Variants in PRKAG2 observed in about 807,000 individuals in gnomAD.
PRKAG2 encodes 5'-AMP-activated protein kinase subunit gamma-2.
Under a neutral mutation model 69.6 loss-of-function variants are expected in PRKAG2, and 26 were observed. The ratio of observed to expected loss-of-function variants is 0.37; its 90% CI spans 0.27 to 0.52. PRKAG2 has a LOEUF of 0.52. PRKAG2 is among the 20% of genes least tolerant of loss of function. The pLI, the probability that PRKAG2 is intolerant of heterozygous loss-of-function variation, is 0.90. For missense variants in PRKAG2, 557 were observed against 740.0 expected, an observed-to-expected ratio of 0.75 and a Z score of 2.87; for synonymous variants, 293 against 285.0, an observed-to-expected ratio of 1.03 and a Z score of -0.28.
intron 4 of PRKAG2, among the ~76,000 whole-genome samples, chr7:151,646,847 A>G (rs1827651571): frequency 6.6e-6 from 1 of 152,166 alleles, no homozygotes; most frequent in Non-Finnish European, 1.5e-5. Flanking sequence ...CACGTGCACA[A>G]CCTCAGTAGT....
At chr7:151,759,411 T>A (rs1203974273) in intron 3 of PRKAG2, among the ~76,000 whole-genome samples, 1 of 152,154 alleles carries the variant, frequency 6.6e-6, no homozygotes, top group Non-Finnish European at 1.5e-5. Context: ...GTACCGATTG[T>A]CCCTAGAATG....
intron 4 of PRKAG2, among the ~76,000 whole-genome samples, chr7:151,658,372 C>T (rs1486315434): frequency 6.6e-6 from 1 of 150,738 alleles, no homozygotes; most frequent in Non-Finnish European, 1.5e-5. Flanking sequence ...GTAATCCCAG[C>T]TACTCAGGAG....
intron 3 of PRKAG2, among the ~76,000 whole-genome samples, chr7:151,723,402 C>T (rs1403735320): frequency 2.0e-5 from 3 of 152,186 alleles, no homozygotes; most frequent in Non-Finnish European, 4.4e-5. Flanking sequence ...ACTTGGCCTA[C>T]ACTTCTACTT....
intron 3 of PRKAG2, among the ~76,000 whole-genome samples, chr7:151,755,176 C>G (rs538089739): frequency 6.6e-5 from 10 of 152,202 alleles, no homozygotes; most frequent in African/African-American, 2.4e-4. Context: ...TGAAGGCTGG[C>G]GAGGTGGTGC....
intron 14 of PRKAG2, among the ~76,000 whole-genome samples, chr7:151,560,941 C>T (rs1804817011): frequency 6.6e-6 from 1 of 152,124 alleles, no homozygotes; most frequent in African/African-American, 2.4e-5. Context: ...CACACACACA[C>T]ACATCCCATA....
intron 3 of PRKAG2, among the ~76,000 whole-genome samples, chr7:151,779,216 T>C (rs2076550537): frequency 1.3e-5 from 2 of 152,206 alleles, no homozygotes; most frequent in African/African-American, 4.8e-5. Flanking sequence ...CCAGACCCAG[T>C]TTCTAAAAGA....
rs185208897 is a variant in PRKAG2 at position 151,684,883 on chromosome 7, C to T, written c.467-9246G>A. On this transcript the variant is annotated intron_variant, in intron 3 of 15. Coordinates refer to ENST00000287878, the MANE Select transcript of PRKAG2 (RefSeq NM_016203.4). ...TGTTCCTGAGGGCGTGGAGGCCAGT[C>T]CCTGGTTTCTCATCACCTGGAGACG... Among the ~76,000 whole-genome samples, 670 of 152,274 alleles carry T rather than the reference C, an allele frequency of 4.4e-3. 15 individuals carry two copies. The highest frequency in any genetic ancestry group is 0.041 in the Admixed American group (629 of 15,294).
chr7:151,827,762 A>ACAAAAC (rs1444299561), intron 1 of PRKAG2, among the ~76,000 whole-genome samples: 154 of 149,512 alleles, frequency 1.0e-3, no homozygotes, highest in Admixed American at 3.6e-3. Flanking sequence ...AAAAAAAAAA[A>ACAAAAC]AAAAAAAAAA....
Position 151,620,328 on chromosome 7 carries a change from T to C in PRKAG2, c.754+11741A>G, listed in dbSNP as rs369486075. ...TTCCTTAGGCAATTTCTTCTTTTTC[T>C]TTCTCTCTCTCATTCTTTCTTTCTT... On this transcript the variant is annotated intron_variant, in intron 5 of 15. Transcript: ENST00000287878. Among the ~76,000 whole-genome samples, 77 of 151,868 alleles carry C rather than the reference T, an allele frequency of 5.1e-4. 1 individual carries two copies. The Middle Eastern group carries it at 0.031, about 60-fold the overall frequency.
intron 1 of PRKAG2, among the ~76,000 whole-genome samples, chr7:151,845,345 C>T (rs1196803534): frequency 6.6e-6 from 1 of 152,178 alleles, no homozygotes; most frequent in Non-Finnish European, 1.5e-5. Flanking sequence ...TCTTCAACTC[C>T]TGGCCCAGTG....
At chr7:151,581,108 A>G (rs1810374314) in intron 6 of PRKAG2, among the ~76,000 whole-genome samples, 1 of 152,218 alleles carries the variant, frequency 6.6e-6, no homozygotes, top group African/African-American at 2.4e-5. Flanking sequence ...AAAAGAATGT[A>G]TAACTAAAAA....
rs751591372 is a variant in PRKAG2 at position 151,633,936 on chromosome 7, T to A, written c.685-1798A>T. Among the ~76,000 whole-genome samples, 38 of 152,214 alleles carry A rather than the reference T, an allele frequency of 2.5e-4. 1 individual carries two copies. The highest frequency in any genetic ancestry group is 4.6e-4 in the Non-Finnish European group (31 of 68,038). ...AGCTCTAGAATTCTATTTATTTATTTATTATTTTTTTGAGACGGAGTCTCG... is the reference window on the plus strand; with the variant it reads ...AGCTCTAGAATTCTATTTATTTATTAATTATTTTTTTGAGACGGAGTCTCG... On this transcript the variant is annotated intron_variant, in intron 4 of 15. Coordinates refer to ENST00000287878, the MANE Select transcript of PRKAG2 (RefSeq NM_016203.4).
rs200468798 is a variant in PRKAG2 at position 151,876,636 on chromosome 7, T to C, written c.-16A>G. On this transcript the variant is annotated 5_prime_UTR_variant, in exon 1 of 16. Coordinates refer to ENST00000287878, the MANE Select transcript of PRKAG2 (RefSeq NM_016203.4). Reference sequence around the variant, plus strand: ...CGCTTCCCATAACTCTAACCAGAAGTTGATTCTGCGAAACTCCTCGGGGGT... The same window carrying C: ...CGCTTCCCATAACTCTAACCAGAAGCTGATTCTGCGAAACTCCTCGGGGGT... 46 of 1,605,596 alleles carry C rather than the reference T, an allele frequency of 2.9e-5. No individual in the cohort carries two copies. In the East Asian group the frequency reaches 7.4e-4, roughly 26 times the overall value.
chr7:151,604,478 CAT>C (rs1237998608), intron 5 of PRKAG2, among the ~76,000 whole-genome samples: 1 of 150,684 alleles, frequency 6.6e-6, no homozygotes, highest in East Asian at 1.9e-4. Flanking sequence ...TTCTACAAAA[CAT>C]AAAAAAAATT....
At chr7:151,796,063 A>T (rs959058977) in intron 1 of PRKAG2, among the ~76,000 whole-genome samples, 4 of 151,412 alleles carry the variant, frequency 2.6e-5, no homozygotes. Context: ...AAAATAGGAG[A>T]TCTATATGCT....
At chr7:151,808,667 T>C (rs955426593) in intron 1 of PRKAG2, among the ~76,000 whole-genome samples, 6 of 151,234 alleles carry the variant, frequency 4.0e-5, no homozygotes, top group East Asian at 2.0e-4. Context: ...TTCTCATAGA[T>C]CAAGTCGGGC....
chr7:151,674,370 T>C (rs535547497), intron 4 of PRKAG2, among the ~76,000 whole-genome samples: 1 of 152,304 alleles, frequency 6.6e-6, no homozygotes, highest in South Asian at 2.1e-4. Flanking sequence ...TTTTAAGCCA[T>C]CCAGTGTGTG....
intron 15 of PRKAG2, chr7:151,558,150 A>G (rs1315146729): frequency 1.0e-6 from 1 of 985,318 alleles, no homozygotes; most frequent in Non-Finnish European, 1.2e-6. Context: ...GTTCATTTGG[A>G]CAGTCTAAGT....
intron 1 of PRKAG2, among the ~76,000 whole-genome samples, chr7:151,853,909 C>A (rs868607612): frequency 4.5e-4 from 68 of 152,178 alleles, no homozygotes; most frequent in African/African-American, 1.6e-3. Flanking sequence ...CAAACCGAGG[C>A]TCCTCCTATG....
Sources: gnomAD v4.1 joint callset for allele counts (sites outside exome capture counted in the v4.1 genomes callset) on GRCh38, gnomAD v4.1.1 for gene constraint, MANE v1.5 for transcripts, NCBI Gene and HGNC (gene_info 2026-07-23, HGNC 2026-07-21) for gene names.